PHACTR2: variants seen among roughly 807,000 people sequenced by gnomAD.
The protein encoded by PHACTR2 is chromosome 6 open reading frame 56.
A neutral mutation model predicts 76.0 loss-of-function variants in PHACTR2; 30 were observed. The ratio of observed to expected loss-of-function variants is 0.39; its 90% CI spans 0.30 to 0.54. The LOEUF (loss-of-function observed/expected upper bound fraction) is 0.54. Ranked by LOEUF, PHACTR2 falls within the 20% of genes least tolerant of loss-of-function variation. The pLI is 0.61. For synonymous variants in PHACTR2, 292 were observed against 292.5 expected, an observed-to-expected ratio of 1.00 and a Z score of 0.02; for missense variants, 696 against 781.1, an observed-to-expected ratio of 0.89 and a Z score of 1.30.
chr6:143,571,308 A>G lies in PHACTR2; in HGVS notation c.217+34101A>G, dbSNP rs967053614. 6.6e-6 allele frequency among the ~76,000 whole-genome samples: 1 copy of G among 152,236 alleles called. No homozygotes were observed. The highest frequency in any genetic ancestry group is 2.1e-4 in the South Asian group (1 of 4,836). On this transcript the variant is annotated intron_variant, in intron 1 of 11. Transcript: ENST00000367584. This position sits in a 1 kb window ranked among gnomAD's most constrained non-coding sequence, Gnocchi z 4.6. ...ATTTATCAATTGGAATTCTACTACA[A>G]TGAAGAGCTACCTCTTCTGAGCTAT...
At chr6:143,667,247 T>C (rs1225674428) in intron 1 of PHACTR2, among the ~76,000 whole-genome samples, 1 of 152,230 alleles carries the variant, frequency 6.6e-6, no homozygotes, top group Admixed American at 6.5e-5. Flanking sequence ...ATATCTGTTT[T>C]GGTACCAGTA....
intron 1 of PHACTR2, among the ~76,000 whole-genome samples, chr6:143,660,145 T>C (rs1294764978): frequency 1.1e-4 from 16 of 151,970 alleles, no homozygotes; most frequent in Admixed American, 7.9e-4. Flanking sequence ...TTTCAATAAA[T>C]CCTCAATCTC....
Position 143,581,768 on chromosome 6 carries a change from G to T in PHACTR2, c.217+44561G>T, listed in dbSNP as rs1361173947. Among the ~76,000 whole-genome samples the T allele has an allele frequency of 1.3e-5, 2 of 152,070 alleles. No homozygotes were observed. Among genetic ancestry groups the T allele is most frequent in the Non-Finnish European group, 2.9e-5 (2 of 68,010 alleles). On this transcript the variant is annotated intron_variant, in intron 1 of 11. Transcript: ENST00000367584. The surrounding 1 kb of genome is among the most constrained non-coding windows in gnomAD (Gnocchi z 4.5). Reference sequence around the variant, plus strand: ...ATCACCTGAGCCTGGGAAAGTCGAGGCTGCAGTGAGCCATGATCACGCCAC... The same window carrying T: ...ATCACCTGAGCCTGGGAAAGTCGAGTCTGCAGTGAGCCATGATCACGCCAC...
Position 143,775,890 on chromosome 6 carries a change from G to A in PHACTR2, c.1590-1438G>A, listed in dbSNP as rs546948462. ...GAGGAGTTGTAATCCCAGCACTTTG[G>A]GAGGCCAAGGCAGGCAGATCACCTG... is the stretch of plus-strand genomic sequence containing the variant. On this transcript the variant is annotated intron_variant, in intron 8 of 12. Transcript: ENST00000440869. This position sits in a 1 kb window ranked among gnomAD's most constrained non-coding sequence, Gnocchi z 4.4. Among the ~76,000 whole-genome samples the A allele has an allele frequency of 2.6e-5, 4 of 152,106 alleles. No homozygotes were observed. Among genetic ancestry groups the A allele is most frequent in the Non-Finnish European group, 5.9e-5 (4 of 68,026 alleles).
chr6:143,628,924 GATATATATATATATATATATATATAT>G (rs71024862), intron 1 of PHACTR2, among the ~76,000 whole-genome samples: 77 of 34,038 alleles, frequency 2.3e-3, no homozygotes, highest in African/African-American at 4.8e-3. Context: ...AAATGCAGGA[GATATATATATATATATATATATATAT>G]ATATATATAT....
intron 6 of PHACTR2, among the ~76,000 whole-genome samples, chr6:143,769,834 A>G: frequency 6.6e-6 from 1 of 152,128 alleles, no homozygotes; most frequent in East Asian, 1.9e-4. Context: ...TTCAAACAAG[A>G]ATGGCTTCCA....
chr6:143,677,958 G>A, upstream of PHACTR2: 1 of 1,287,290 alleles, frequency 7.8e-7, no homozygotes, highest in Non-Finnish European at 1.0e-6. Context: ...ATAGAGGAAT[G>A]ACAGGCATCC....
chr6:143,644,765 T>G (rs1405680192), intron 1 of PHACTR2, among the ~76,000 whole-genome samples: 1 of 152,030 alleles, frequency 6.6e-6, no homozygotes, highest in African/African-American at 2.4e-5. Context: ...GTTTGTTTTT[T>G]TTTTTTGCCT....
rs1482788811 is a variant in PHACTR2, at chr6:143,753,627, A to C, written c.296-127A>C. On this transcript the variant is annotated intron_variant, in intron 3 of 12. Coordinates refer to ENST00000440869, the MANE Select transcript of PHACTR2 (RefSeq NM_001100164.2). This position sits in a 1 kb window ranked among gnomAD's most constrained non-coding sequence, Gnocchi z 4.6. ...TTTGTTTTGAATAAACCGGTGAAAC[A>C]GTGCAGGGTGTATTTGGTTCCCAGG... The C allele has an allele frequency of 1.7e-6, 1 of 596,272 alleles. No homozygotes were observed. Among genetic ancestry groups the C allele is most frequent in the African/African-American group, 1.9e-5 (1 of 52,880 alleles). The allele number at this position is 596,272 out of a possible 1,614,324, so 36.9% of individuals were successfully genotyped here. A position where few individuals can be genotyped will look rare whatever the true frequency, so the allele number is the denominator to read the frequency against.
In PHACTR2 at chr6:143,698,220, G is replaced by A. The variant is rs1272075258; in HGVS notation, c.47-13796G>A. Among the ~76,000 whole-genome samples, 1 of 152,208 alleles carries A rather than the reference G, an allele frequency of 6.6e-6. No individual in the cohort carries two copies. The highest frequency in any genetic ancestry group is 2.1e-4 in the South Asian group (1 of 4,834). ...TGTGTTTTATCCAAATCCTGCTGGA[G>A]CAACTCATTCTCTGGAATGCTTGCT... On this transcript the variant is annotated intron_variant, in intron 1 of 12. Transcript: ENST00000440869. The surrounding 1 kb of genome is among the most constrained non-coding windows in gnomAD (Gnocchi z 4.3).
At chr6:143,545,301 T>C (rs1432541656) in intron 1 of PHACTR2, among the ~76,000 whole-genome samples, 1 of 152,202 alleles carries the variant, frequency 6.6e-6, no homozygotes, top group Non-Finnish European at 1.5e-5. Context: ...TTGGGGTTAG[T>C]GTGTAAACCT....
intron 1 of PHACTR2, among the ~76,000 whole-genome samples, chr6:143,551,135 A>G (rs1330058035): frequency 6.6e-6 from 1 of 151,992 alleles, no homozygotes; most frequent in Non-Finnish European, 1.5e-5. Flanking sequence ...ATTACCCAAA[A>G]CATGAAAAGA....
upstream of PHACTR2, among the ~76,000 whole-genome samples, chr6:143,676,628 G>A (rs142625708): frequency 2.0e-5 from 3 of 152,166 alleles, no homozygotes; most frequent in East Asian, 1.9e-4. The surrounding 1 kb of genome is among the most constrained non-coding windows in gnomAD (Gnocchi z 4.8). Context: ...ATCGCTTAGC[G>A]CCCCAGGTGG....
intron 1 of PHACTR2, among the ~76,000 whole-genome samples, chr6:143,594,890 A>G (rs1562243887): frequency 6.6e-6 from 1 of 152,214 alleles, no homozygotes. Context: ...GGGGTGAGTC[A>G]GGTCTGTGGG....
Position 143,678,239 on chromosome 6 carries a change from C to T in PHACTR2, c.46+30C>T, listed in dbSNP as rs1380037559. ...GTCCGGGGCGCACGCGATGCGCTCC[C>T]GCCGCGCGGGCGCAGGGCTGGCGGC... On this transcript the variant is annotated intron_variant, in intron 1 of 12. Coordinates refer to ENST00000440869, the MANE Select transcript of PHACTR2 (RefSeq NM_001100164.2). This position sits in a 1 kb window ranked among gnomAD's most constrained non-coding sequence, Gnocchi z 6.2. The T allele has an allele frequency of 2.7e-6, 4 of 1,465,366 alleles. No homozygotes were observed. The allele number at this position is 1,465,366 out of a possible 1,614,324, so 90.8% of individuals were successfully genotyped here. A position where few individuals can be genotyped will look rare whatever the true frequency, so the allele number is the denominator to read the frequency against.
Position 143,589,665 on chromosome 6 carries a change from G to A in PHACTR2, c.217+52458G>A, listed in dbSNP as rs762263342. Among the ~76,000 whole-genome samples, 11 of 151,970 alleles carry A rather than the reference G, an allele frequency of 7.2e-5. No individual in the cohort carries two copies. The highest frequency in any genetic ancestry group is 1.5e-4 in the Non-Finnish European group (10 of 68,014). On this transcript the variant is annotated intron_variant, in intron 1 of 11. Coordinates refer to the PHACTR2 transcript ENST00000367584. This position sits in a 1 kb window ranked among gnomAD's most constrained non-coding sequence, Gnocchi z 4.4. ...ACAAACACCAGCCAGATTGAAGTGG[G>A]GCTCACTCTAACAGCTTCATTTTAA...
At chr6:143,593,594 A>G (rs576361556) in intron 1 of PHACTR2, among the ~76,000 whole-genome samples, 1 of 152,346 alleles carries the variant, frequency 6.6e-6, no homozygotes, top group African/African-American at 2.4e-5. Context: ...AAGCAATTTA[A>G]GTAAAACCTA....
chr6:143,574,736 T>G (rs1330832995), intron 1 of PHACTR2, among the ~76,000 whole-genome samples: 1 of 151,926 alleles, frequency 6.6e-6, no homozygotes, highest in Non-Finnish European at 1.5e-5. Context: ...TGTTGGAAAT[T>G]TGATGTGAAT....
intron 2 of PHACTR2, among the ~76,000 whole-genome samples, chr6:143,719,813 C>T (rs1428050104): frequency 8.4e-5 from 8 of 94,840 alleles, no homozygotes; most frequent in Admixed American, 1.2e-4. Context: ...GTGTTCGACA[C>T]TTTTTTTTTT....
Sources: gnomAD v4.1 joint callset for allele counts (sites outside exome capture counted in the v4.1 genomes callset) on GRCh38, gnomAD v4.1.1 for gene constraint, Gnocchi (gnomAD v3.1) non-coding constraint, MANE v1.5 for transcripts, NCBI Gene and HGNC (gene_info 2026-07-23, HGNC 2026-07-21) for gene names.